GALNT9: variants seen among roughly 807,000 people sequenced by gnomAD.
GALNT9 encodes the protein polypeptide N-acetylgalactosaminyltransferase 9.
In GALNT9, 47 loss-of-function variants were observed where a neutral mutation model predicts 63.1. The observed-to-expected ratio is 0.75, with a 90% CI of 0.59 to 0.95. The LOEUF (loss-of-function observed/expected upper bound fraction) is 0.95, where lower values mean the gene tolerates loss of function less well. GALNT9 is among the 40% of genes least tolerant of loss of function. The probability of loss-of-function intolerance (pLI) is 0.00; values close to 1 mark genes in which losing one functional copy is unlikely to be tolerated. For synonymous variants in GALNT9, 396 were observed against 365.7 expected (o/e 1.08, Z -0.94); for missense variants, 829 against 874.8 (o/e 0.95, Z 0.66).
In GALNT9 at chr12:132,244,025, G is replaced by A. The variant is rs2136906143; in HGVS notation, c.1077+3885C>T. Among the ~76,000 whole-genome samples, 11 of 151,686 alleles carry A rather than the reference G, an allele frequency of 7.3e-5. No individual in the cohort carries two copies. The East Asian group carries it at 1.8e-3, about 25-fold the overall frequency. On this transcript the variant is annotated intron_variant, in intron 6 of 10. Coordinates refer to ENST00000328957, the MANE Select transcript of GALNT9 (RefSeq NM_001122636.2). Reference sequence around the variant, plus strand: ...TGTGGTTAGGGGCATAGGGACAGACGGGGGCAGTGCAACCTCAGGGGCGGC... The same window carrying A: ...TGTGGTTAGGGGCATAGGGACAGACAGGGGCAGTGCAACCTCAGGGGCGGC...
At chr12:132,211,040 C>T (rs1876937951) in intron 6 of GALNT9, among the ~76,000 whole-genome samples, 1 of 152,266 alleles carries the variant, frequency 6.6e-6, no homozygotes, top group East Asian at 1.9e-4. Context: ...GGCCTCAGTC[C>T]ACAGAAAGGG....
rs181747721 is a variant in GALNT9, at chr12:132,210,330, C to T, written c.1078-6640G>A. On this transcript the variant is annotated intron_variant, in intron 6 of 10. Coordinates refer to ENST00000328957, the MANE Select transcript of GALNT9 (RefSeq NM_001122636.2). ...AAAGGGCCTGCGGGCGAGGCCGTCC[C>T]GTGAAGTCGGACCTGTTCTTCTGGT... is the stretch of plus-strand genomic sequence containing the variant. 3.4e-3 allele frequency among the ~76,000 whole-genome samples: 511 copies of T among 152,364 alleles called. 10 individuals are homozygous for T. The highest frequency in any genetic ancestry group is 0.029 in the Admixed American group (443 of 15,308).
chr12:132,276,229 A>C (rs1458518517), intron 2 of GALNT9: 1 of 154,630 alleles, frequency 6.5e-6, no homozygotes, highest in Admixed American at 6.5e-5. Flanking sequence ...TTTCCTTCCC[A>C]GGGCACAGAC....
chr12:132,305,666 C>T (rs1421152003), intron 1 of GALNT9, among the ~76,000 whole-genome samples: 1 of 152,040 alleles, frequency 6.6e-6, no homozygotes, highest in East Asian at 1.9e-4. Flanking sequence ...GGCACAGCCT[C>T]GCCTGGACAC....
intron 7 of GALNT9, among the ~76,000 whole-genome samples, chr12:132,202,080 C>T (rs145826054): frequency 5.9e-5 from 9 of 152,362 alleles, no homozygotes; most frequent in Non-Finnish European, 1.2e-4. Flanking sequence ...AGTCCCCTAT[C>T]TTCTCTGTGC....
intron 1 of GALNT9, among the ~76,000 whole-genome samples, chr12:132,321,056 G>C (rs1555246091): frequency 6.6e-6 from 1 of 152,218 alleles, no homozygotes; most frequent in African/African-American, 2.4e-5. Context: ...CCAGCGGGGA[G>C]GAGGGTGCCT....
chr12:132,294,859 G>A (rs1450687588), intron 1 of GALNT9, among the ~76,000 whole-genome samples: 2 of 152,214 alleles, frequency 1.3e-5, no homozygotes, highest in Admixed American at 6.5e-5. Flanking sequence ...TGGGCGCCTC[G>A]CAGCAGGATT....
At chr12:132,202,269 G>T (rs1593463391) in intron 7 of GALNT9, among the ~76,000 whole-genome samples, 2 of 152,324 alleles carry the variant, frequency 1.3e-5, no homozygotes, top group East Asian at 3.9e-4. Context: ...CACACACTTG[G>T]GGAGGTCATC....
rs1210266130 is a variant in GALNT9, at chr12:132,197,850, G to T, written c.1607C>A (p.Thr536Asn). 2 of 1,607,272 alleles carry T rather than the reference G, an allele frequency of 1.2e-6. No homozygotes were observed. The highest frequency in any genetic ancestry group is 1.3e-5 in the African/African-American group (1 of 74,888). The change falls in exon 10 of 11, where the codon ACC (threonine) becomes AAC (asparagine). Residue 536 changes from threonine (T) to asparagine (N), a missense_variant. Physicochemically the swap from Thr to Asn is moderately conservative, Grantham distance 65 (BLOSUM62 0). Coordinates refer to ENST00000328957, the MANE Select transcript of GALNT9 (RefSeq NM_001122636.2). Reference sequence around the variant, plus strand: ...CGCCACATCCTCACACTTCTTCAGGGTGGGCATGCGGCCCGTGCCGTCATC... The same window carrying T: ...CGCCACATCCTCACACTTCTTCAGGTTGGGCATGCGGCCCGTGCCGTCATC... ...LVDDGTGRMP[T>N]LKKCEDVARP... is the part of the protein sequence containing the mutation.
At chr12:132,198,162 A>G (rs2135495321) in intron 9 of GALNT9, among the ~76,000 whole-genome samples, 1 of 152,296 alleles carries the variant, frequency 6.6e-6, no homozygotes, top group Middle Eastern at 3.4e-3. Context: ...ACGGCGCCCA[A>G]ATGCTCCGCA....
intron 1 of GALNT9, among the ~76,000 whole-genome samples, chr12:132,322,238 G>A (rs760320510): frequency 4.4e-4 from 67 of 152,154 alleles, no homozygotes; most frequent in African/African-American, 4.1e-4. Flanking sequence ...AGGCCTCCTC[G>A]TAGGTTTGTC....
In GALNT9 at chr12:132,252,046, C is replaced by G. The variant is rs1878935795; in HGVS notation, c.960-4019G>C. 6.6e-6 allele frequency among the ~76,000 whole-genome samples: 1 copy of G among 152,208 alleles called. No individual in the cohort carries two copies. The highest frequency in any genetic ancestry group is 1.5e-5 in the Non-Finnish European group (1 of 68,044). ...TCTTAACTGGGATCCCAGGAATCCT[C>G]CGTGATGAGGATGGTCCCCAGCGTC... On this transcript the variant is annotated intron_variant, in intron 5 of 10. Transcript: ENST00000328957. This position sits in a 1 kb window ranked among gnomAD's most constrained non-coding sequence, Gnocchi z 5.2.
rs1347178431 is a variant in GALNT9 at position 132,225,541 on chromosome 12, CACACACCCCACACTGTACAT to C, written c.1078-21871_1078-21852del. On this transcript the variant is annotated intron_variant, in intron 6 of 10. Coordinates refer to ENST00000328957, the MANE Select transcript of GALNT9 (RefSeq NM_001122636.2). ...CTGTATATACACATGCCACACACAA[CACACACCCCACACTGTACAT>C]ACACACCCCACACAACCCACACACC... Among the ~76,000 whole-genome samples the C allele has an allele frequency of 1.3e-4, 20 of 149,682 alleles. No individual in the cohort carries two copies. In the South Asian group the frequency reaches 3.2e-3, roughly 24 times the overall value.
intron 6 of GALNT9, among the ~76,000 whole-genome samples, chr12:132,203,953 G>A (rs1367325008): frequency 6.6e-6 from 1 of 152,022 alleles, no homozygotes; most frequent in East Asian, 1.9e-4. Context: ...TGGGGAGGGG[G>A]GTTTATTCTA....
At chr12:132,247,199 A>T (rs1300671199) in intron 6 of GALNT9, among the ~76,000 whole-genome samples, 1 of 152,000 alleles carries the variant, frequency 6.6e-6, no homozygotes, top group Non-Finnish European at 1.5e-5. Flanking sequence ...CCTCACACAG[A>T]CACAGTCCCG....
At chr12:132,302,066 G>A (rs1555243880) in intron 1 of GALNT9, among the ~76,000 whole-genome samples, 1 of 152,162 alleles carries the variant, frequency 6.6e-6, no homozygotes, top group African/African-American at 2.4e-5. Context: ...TTGAACCACT[G>A]TGTCAAAGAT....
At chr12:132,205,194 G>A (rs1289080601) in intron 6 of GALNT9, among the ~76,000 whole-genome samples, 2 of 151,672 alleles carry the variant, frequency 1.3e-5, no homozygotes, top group East Asian at 1.9e-4. Flanking sequence ...ACACTCACAC[G>A]TCCCCTAGCT....
At position 132,201,984 on chromosome 12, in the gene GALNT9, G is replaced by C. The variant is rs117059787; in HGVS notation, c.1264-723C>G. 4.3e-3 allele frequency among the ~76,000 whole-genome samples: 662 copies of C among 152,356 alleles called. 15 individuals carry two copies. In the East Asian group the frequency reaches 0.065, roughly 15 times the overall value. ...TGCACCCTGCCCAGGGACCCTCCAG[G>C]CTCAGGCCTTGTGGGGAGGGCAGAC... On this transcript the variant is annotated intron_variant, in intron 7 of 10. Transcript: ENST00000328957.
chr12:132,237,310 A>C (rs2136895335), intron 6 of GALNT9, among the ~76,000 whole-genome samples: 5 of 151,962 alleles, frequency 3.3e-5, no homozygotes, highest in African/African-American at 1.2e-4. Context: ...ACACCAGTTC[A>C]CAGCTGCTCA....
Sources: allele counts gnomAD v4.1 joint callset (sites outside exome capture counted in the v4.1 genomes callset), GRCh38; gene constraint gnomAD v4.1.1; non-coding constraint Gnocchi (gnomAD v3.1); transcripts MANE v1.5; gene names NCBI Gene and HGNC (gene_info 2026-07-23, HGNC 2026-07-21).